Variants in ESR1 observed in about 807,000 individuals in gnomAD.
ESR1 encodes estrogen receptor.
A neutral mutation model predicts 52.7 loss-of-function variants in ESR1; 12 were observed. The ratio of observed to expected loss-of-function variants is 0.23; its 90% CI spans 0.15 to 0.37. The LOEUF is 0.37. Among genes scored for constraint, ESR1 ranks in the 10% least tolerant of loss-of-function variants. The pLI is 1.00. For synonymous variants in ESR1, 305 were observed against 316.8 expected (o/e 0.96, Z 0.39); for missense variants, 584 against 779.7 (o/e 0.75, Z 2.99).
intron 4 of ESR1, among the ~76,000 whole-genome samples, chr6:151,978,513 C>T (rs1562623828): frequency 6.6e-6 from 1 of 152,074 alleles, no homozygotes; most frequent in Non-Finnish European, 1.5e-5. Context: ...TCCACAGATT[C>T]AGAAACCTAC....
In ESR1 at chr6:152,019,601, C is replaced by A. The variant is rs150080020; in HGVS notation, c.1235+7807C>A. Among the ~76,000 whole-genome samples, 175 of 152,294 alleles carry A rather than the reference C, an allele frequency of 1.1e-3. 2 individuals carry two copies. Among genetic ancestry groups the A allele is most frequent in the Non-Finnish European group, 6.2e-4 (42 of 68,020 alleles). ...TTTGACTCTTCTTAACATTTTTACA[C>A]ACCACATTATGTTTTATTCACCATT... On this transcript the variant is annotated intron_variant, in intron 5 of 7. Coordinates refer to ENST00000206249, the MANE Select transcript of ESR1 (RefSeq NM_000125.4).
intron 2 of ESR1, among the ~76,000 whole-genome samples, chr6:151,858,480 G>A (rs996616787): frequency 3.9e-5 from 6 of 152,024 alleles, no homozygotes; most frequent in Non-Finnish European, 8.8e-5. Flanking sequence ...TACACACATA[G>A]ACTAGATACA....
intron 1 of ESR1, among the ~76,000 whole-genome samples, chr6:151,811,482 C>G (rs907601592): frequency 6.6e-6 from 1 of 152,198 alleles, no homozygotes; most frequent in African/African-American, 2.4e-5. Context: ...ACGTCTCTCA[C>G]TTCTCCAAAA....
chr6:151,779,606 G>A lies in ESR1; in HGVS notation c.-70-28237G>A, dbSNP rs1046784031. Among the ~76,000 whole-genome samples, 15 of 152,294 alleles carry A rather than the reference G, an allele frequency of 9.8e-5. 1 individual carries two copies. Among genetic ancestry groups the A allele is most frequent in the South Asian group, 8.3e-4 (4 of 4,830 alleles). On this transcript the variant is annotated intron_variant, in intron 2 of 2. Coordinates refer to the ESR1 transcript ENST00000404742. The stretch of plus-strand genomic sequence containing the variant: ...GTAAATTATTTCAACCATTGTGGAA[G>A]ACAGTGTGGCGATTCCTCAAGGATC...
At chr6:151,665,695 T>A (rs1457504950) in intron 1 of ESR1, among the ~76,000 whole-genome samples, 1 of 152,234 alleles carries the variant, frequency 6.6e-6, no homozygotes, top group Non-Finnish European at 1.5e-5. Context: ...CAAAAATCAA[T>A]GATTTCTAAA....
At chr6:151,936,938 A>G (rs1352451386) in intron 3 of ESR1, among the ~76,000 whole-genome samples, 3 of 152,180 alleles carry the variant, frequency 2.0e-5, no homozygotes, top group African/African-American at 7.2e-5. Flanking sequence ...TCCAAGATTC[A>G]CTATGGATAA....
intron 2 of ESR1, among the ~76,000 whole-genome samples, chr6:151,849,331 AG>A (rs1251794685): frequency 1.3e-5 from 2 of 152,126 alleles, no homozygotes; most frequent in African/African-American, 4.8e-5. Context: ...ACTAAATAGT[AG>A]AATATGGCGA....
intron 2 of ESR1, among the ~76,000 whole-genome samples, chr6:151,754,319 T>A (rs1165306011): frequency 7.6e-6 from 1 of 131,630 alleles, no homozygotes; most frequent in Non-Finnish European, 1.7e-5. Context: ...AATCTCTATC[T>A]ATTGCTATTT....
intron 1 of ESR1, among the ~76,000 whole-genome samples, chr6:151,701,211 G>A (rs1402170672): frequency 1.4e-5 from 2 of 145,106 alleles, no homozygotes; most frequent in South Asian, 2.2e-4. Context: ...TGGGCTGGGA[G>A]TTTTTTTTTT....
intron 6 of ESR1, among the ~76,000 whole-genome samples, chr6:152,113,477 C>T (rs1363871581): frequency 6.6e-6 from 1 of 151,940 alleles, no homozygotes; most frequent in Non-Finnish European, 1.5e-5. Context: ...GCAGGGCTGT[C>T]GAGAGTCTGA....
intron 4 of ESR1, among the ~76,000 whole-genome samples, chr6:152,008,458 T>G (rs1245922412): frequency 6.6e-6 from 1 of 152,160 alleles, no homozygotes; most frequent in Non-Finnish European, 1.5e-5. Flanking sequence ...ACCATCCTTA[T>G]GTGGCACAAG....
In ESR1 at chr6:152,038,167, A is replaced by G. The variant is rs537372769; in HGVS notation, c.1236-22824A>G. Among the ~76,000 whole-genome samples, 11 of 152,284 alleles carry G rather than the reference A, an allele frequency of 7.2e-5. No individual in the cohort carries two copies. The South Asian group carries it at 8.3e-4, about 11-fold the overall frequency. On this transcript the variant is annotated intron_variant, in intron 5 of 7. Transcript: ENST00000206249. ...CCAAAAGCTAAAGGATTGGAGTCCAATGTTTGAGGGCAGGAAGCATCCGTC... is the reference window on the plus strand; with the variant it reads ...CCAAAAGCTAAAGGATTGGAGTCCAGTGTTTGAGGGCAGGAAGCATCCGTC...
intron 6 of ESR1, among the ~76,000 whole-genome samples, chr6:152,065,389 A>C (rs1318543189): frequency 6.6e-6 from 1 of 152,188 alleles, no homozygotes; most frequent in East Asian, 1.9e-4. Flanking sequence ...AACCCCTGAG[A>C]ATCCACCTCT....
chr6:152,062,184 T>C (rs3798566), intron 6 of ESR1, among the ~76,000 whole-genome samples: 34,519 of 151,858 alleles, frequency 0.23, 5,826 homozygotes, highest in African/African-American at 0.47. Context: ...TGATGAGTGC[T>C]GATCCCTTCC....
At chr6:151,966,437 A>T (rs185315149) in intron 4 of ESR1, among the ~76,000 whole-genome samples, 1,840 of 152,008 alleles carry the variant, frequency 0.012, 17 homozygotes, top group Non-Finnish European at 0.017. Flanking sequence ...GCTCTGTGAA[A>T]TTTTTTGTTA....
At chr6:152,096,723 C>T (rs1007152292) in intron 7 of ESR1, 1 of 455,864 alleles carries the variant, frequency 2.2e-6, no homozygotes, top group Admixed American at 2.3e-5. Context: ...TAGGTGACTG[C>T]ATTCAGAGTA....
intron 2 of ESR1, among the ~76,000 whole-genome samples, chr6:151,756,000 TC>T (rs1157780003): frequency 6.6e-6 from 1 of 152,122 alleles, no homozygotes; most frequent in Non-Finnish European, 1.5e-5. Context: ...CATGGCCCCC[TC>T]CTGACCTTCT....
chr6:151,795,971 A>G (rs900403412), intron 2 of ESR1, among the ~76,000 whole-genome samples: 30 of 147,280 alleles, frequency 2.0e-4, no homozygotes, highest in Admixed American at 1.8e-3. Flanking sequence ...ACACAGTGAA[A>G]CCCCATCTCT....
At chr6:151,814,646 A>G (rs892482371) in intron 1 of ESR1, among the ~76,000 whole-genome samples, 8 of 152,236 alleles carry the variant, frequency 5.3e-5, no homozygotes, top group African/African-American at 1.9e-4. Context: ...GTCTCTGAGG[A>G]TAGAAACTTC....
Sources: allele counts gnomAD v4.1 joint callset (sites outside exome capture counted in the v4.1 genomes callset), GRCh38; gene constraint gnomAD v4.1.1; transcripts MANE v1.5; gene names NCBI Gene and HGNC (gene_info 2026-07-23, HGNC 2026-07-21).